IL34: variants seen among roughly 807,000 people sequenced by gnomAD.
The protein encoded by IL34 is interleukin 34.
In IL34, 17 loss-of-function variants were observed where a neutral mutation model predicts 25.3. The ratio of observed to expected loss-of-function variants is 0.67; its 90% confidence interval spans 0.46 to 1.01. The LOEUF is 1.01. Ranked by LOEUF, IL34 falls within the 50% of genes least tolerant of loss-of-function variation. IL34 has a pLI of 0.00. For missense variants in IL34, 368 were observed against 312.9 expected (o/e 1.18, Z -1.33); for synonymous variants, 174 against 140.9 (o/e 1.23, Z -1.66).
Position 70,613,803 on chromosome 16 carries a change from G to T in IL34, c.-400-32745G>T, listed in dbSNP as rs1054449832. ...GCAGGAGGATTGCTTGATCCTGGGAGGTGGAGGTTGCAGTGAGCTGAGGTT... is the reference window on the plus strand; with the variant it reads ...GCAGGAGGATTGCTTGATCCTGGGATGTGGAGGTTGCAGTGAGCTGAGGTT... On this transcript the variant is annotated intron_variant, in intron 1 of 6. Coordinates refer to the IL34 transcript ENST00000429149. 2.0e-5 allele frequency among the ~76,000 whole-genome samples: 3 copies of T among 151,954 alleles called. No homozygotes were observed. In the East Asian group the frequency reaches 5.8e-4, roughly 29 times the overall value.
In IL34 at chr16:70,656,989, G is replaced by A. The variant is rs1244145642; in HGVS notation, c.270G>A (p.Leu90=). ...LQRAQVSERE[L]RYLWVLVSLS... ...GGGCCCAGGTGAGCGAGCGGGAGCT[G>A]CGGTATCTGTGGGTCTTGGTGAGCC... The change falls in exon 4 of 6, where the codon CTG becomes CTA. Residue 90 remains leucine, a synonymous_variant. Coordinates refer to ENST00000288098, the MANE Select transcript of IL34 (RefSeq NM_001393494.1). The A allele has an allele frequency of 1.2e-6, 2 of 1,611,486 alleles. No homozygotes were observed. The highest frequency in any genetic ancestry group is 2.2e-4 in the Middle Eastern group (1 of 4,572).
intron 1 of IL34, among the ~76,000 whole-genome samples, chr16:70,610,064 T>A (rs939608055): frequency 6.6e-6 from 1 of 152,008 alleles, no homozygotes; most frequent in African/African-American, 2.4e-5. Flanking sequence ...TAGCCAGGTG[T>A]GGTGGCGGGC....
intron 1 of IL34, among the ~76,000 whole-genome samples, chr16:70,594,148 A>C (rs1261048115): frequency 2.0e-5 from 3 of 152,170 alleles, no homozygotes. Context: ...CAACTTGTAG[A>C]TATTACAAAA....
chr16:70,637,159 C>T (rs966539835), intron 1 of IL34, among the ~76,000 whole-genome samples: 6 of 151,564 alleles, frequency 4.0e-5, no homozygotes, highest in African/African-American at 1.2e-4. Context: ...CGTGCCTGGC[C>T]GCCCCTTCCC....
intron 1 of IL34, among the ~76,000 whole-genome samples, chr16:70,615,696 A>G (rs183046859): frequency 2.8e-3 from 432 of 152,246 alleles, no homozygotes; most frequent in Non-Finnish European, 4.6e-3. Flanking sequence ...CGTGCCTGTA[A>G]TCTCAGCACT....
At chr16:70,622,134 G>A (rs1298727912) in intron 1 of IL34, among the ~76,000 whole-genome samples, 2 of 152,034 alleles carry the variant, frequency 1.3e-5, no homozygotes, top group Non-Finnish European at 2.9e-5. Context: ...TCTGTTATCA[G>A]ACTGTATAGA....
intron 1 of IL34, among the ~76,000 whole-genome samples, chr16:70,640,547 C>T (rs1567458608): frequency 6.6e-6 from 1 of 151,280 alleles, no homozygotes; most frequent in Non-Finnish European, 1.5e-5. Context: ...TCTCTTGAAC[C>T]CGGGAGGTGG....
At chr16:70,603,443 T>A (rs1286647405) in intron 1 of IL34, among the ~76,000 whole-genome samples, 1 of 152,070 alleles carries the variant, frequency 6.6e-6, no homozygotes, top group Non-Finnish European at 1.5e-5. Context: ...CCACGCCCAG[T>A]AAATTTTGTA....
chr16:70,625,078 A>G (rs971032132), intron 1 of IL34, among the ~76,000 whole-genome samples: 24 of 152,186 alleles, frequency 1.6e-4, no homozygotes, highest in African/African-American at 5.5e-4. Context: ...TCAAAGTGCC[A>G]TTTTTTGGCT....
intron 1 of IL34, among the ~76,000 whole-genome samples, chr16:70,606,891 T>C (rs1196797367): frequency 2.6e-5 from 4 of 152,140 alleles, no homozygotes; most frequent in African/African-American, 9.7e-5. Flanking sequence ...CCCAGACAGT[T>C]CTTTTTATTG....
chr16:70,631,324 G>A (rs1366611931), intron 1 of IL34, among the ~76,000 whole-genome samples: 1 of 152,046 alleles, frequency 6.6e-6, no homozygotes, highest in Non-Finnish European at 1.5e-5. Flanking sequence ...GTAAATTATT[G>A]GTTTGATTCT....
At chr16:70,632,911 T>G (rs1239570637) in intron 1 of IL34, among the ~76,000 whole-genome samples, 1 of 152,184 alleles carries the variant, frequency 6.6e-6, no homozygotes, top group Non-Finnish European at 1.5e-5. Context: ...AATTTTCTAT[T>G]GTTAAAATTG....
At chr16:70,596,755 A>G (rs149617952) in intron 1 of IL34, among the ~76,000 whole-genome samples, 1 of 152,014 alleles carries the variant, frequency 6.6e-6, no homozygotes, top group Non-Finnish European at 1.5e-5. Flanking sequence ...CCTCTTTATT[A>G]AAAAAATTGG....
At chr16:70,656,325 C>T (rs1474191438) in intron 2 of IL34, among the ~76,000 whole-genome samples, 6 of 152,130 alleles carry the variant, frequency 3.9e-5, no homozygotes, top group Non-Finnish European at 5.9e-5. Flanking sequence ...TCAAGACCAG[C>T]CTGGGCAACA....
upstream of IL34, among the ~76,000 whole-genome samples, chr16:70,642,556 A>C (rs2151864254): frequency 6.6e-6 from 1 of 152,188 alleles, no homozygotes; most frequent in East Asian, 1.9e-4. Context: ...TTGGGCTCCC[A>C]AAGTGCTGGG....
At chr16:70,583,545 A>AT (rs2050658756) in intron 1 of IL34, among the ~76,000 whole-genome samples, 1 of 152,084 alleles carries the variant, frequency 6.6e-6, no homozygotes, top group Admixed American at 6.5e-5. Context: ...GCTCAAAATA[A>AT]ATAACTGCAA....
At chr16:70,619,658 A>G (rs28780486) in intron 1 of IL34, among the ~76,000 whole-genome samples, 12,607 of 152,112 alleles carry the variant, frequency 0.083, 1,719 homozygotes, top group African/African-American at 0.29. Context: ...TTCCACTGTG[A>G]GAGTTACTCG....
At chr16:70,641,843 T>C (rs145106962), upstream of IL34, among the ~76,000 whole-genome samples, 3 of 152,102 alleles carry the variant, frequency 2.0e-5, no homozygotes, top group African/African-American at 2.4e-5. Flanking sequence ...GTTGGAATTA[T>C]AGGCATGAGC....
chr16:70,609,230 C>G (rs1242762068), intron 1 of IL34, among the ~76,000 whole-genome samples: 2 of 152,108 alleles, frequency 1.3e-5, no homozygotes, highest in Non-Finnish European at 2.9e-5. Context: ...AGGTGTGTGC[C>G]ACCACGCCCA....
Sources: gnomAD v4.1 joint callset for allele counts (sites outside exome capture counted in the v4.1 genomes callset) on GRCh38, gnomAD v4.1.1 for gene constraint, MANE v1.5 for transcripts, NCBI Gene and HGNC (gene_info 2026-07-23, HGNC 2026-07-21) for gene names.